Variants in STIM1 observed in about 807,000 individuals in gnomAD.
The protein encoded by STIM1 is stromal interaction molecule 1.
STIM1 carries 25 observed loss-of-function variants against 74.7 expected under a neutral mutation model. The observed-to-expected ratio is 0.33, with a 90% CI of 0.24 to 0.47. The LOEUF is 0.47. Among genes scored for constraint, STIM1 ranks in the 20% least tolerant of loss-of-function variants. The probability of loss-of-function intolerance (pLI) is 1.00; values close to 1 mark genes in which losing one functional copy is unlikely to be tolerated. For synonymous variants in STIM1, 328 were observed against 348.8 expected (o/e 0.94, Z 0.66); for missense variants, 728 against 920.8 (o/e 0.79, Z 2.71).
At chr11:3,995,094 T>A (rs1247611391) in intron 2 of STIM1, among the ~76,000 whole-genome samples, 1 of 152,164 alleles carries the variant, frequency 6.6e-6, no homozygotes, top group East Asian at 1.9e-4. Flanking sequence ...ATTTTTTTTT[T>A]TTTAATCTTT....
intron 3 of STIM1, among the ~76,000 whole-genome samples, chr11:4,048,251 T>C (rs1490270572): frequency 6.6e-6 from 1 of 152,242 alleles, no homozygotes; most frequent in Non-Finnish European, 1.5e-5. Flanking sequence ...ACTTGAAGAA[T>C]GTACAAATTC....
chr11:3,910,707 C>T lies in STIM1; in HGVS notation c.139+54298C>T, dbSNP rs149304413. Reference sequence around the variant, plus strand: ...AGATTAAAACTAAAAACAGGCCGGGCGAGGTGGCTCATGCCTGTAATGCCA... The same window carrying T: ...AGATTAAAACTAAAAACAGGCCGGGTGAGGTGGCTCATGCCTGTAATGCCA... On this transcript the variant is annotated intron_variant, in intron 1 of 12. Coordinates refer to ENST00000526596, the MANE Select transcript of STIM1 (RefSeq NM_001382567.1). Among the ~76,000 whole-genome samples the T allele has an allele frequency of 3.3e-5, 5 of 151,752 alleles. No homozygotes were observed. In the East Asian group the frequency reaches 7.7e-4, roughly 23 times the overall value.
intron 5 of STIM1, among the ~76,000 whole-genome samples, chr11:4,063,656 G>A (rs180976918): frequency 4.6e-5 from 7 of 152,252 alleles, no homozygotes; most frequent in Admixed American, 6.5e-5. Context: ...CAGTGTATCC[G>A]AGGTATGCCT....
intron 1 of STIM1, among the ~76,000 whole-genome samples, chr11:3,941,665 TATATATATAGAG>T (rs1471351294): frequency 3.5e-4 from 20 of 56,914 alleles, no homozygotes; most frequent in Non-Finnish European, 5.0e-4. Flanking sequence ...TATATATATA[TATATATATAGAG>T]AGAGAGAGAG....
chr11:4,020,829 C>A (rs1487467990), intron 2 of STIM1, among the ~76,000 whole-genome samples: 1 of 151,962 alleles, frequency 6.6e-6, no homozygotes, highest in African/African-American at 2.4e-5. Flanking sequence ...TCTCAAAATC[C>A]TGATCTCAAG....
chr11:3,965,991 G>T (rs773991953), intron 1 of STIM1, among the ~76,000 whole-genome samples: 4 of 151,958 alleles, frequency 2.6e-5, no homozygotes, highest in Non-Finnish European at 5.9e-5. Flanking sequence ...TGGGCAACAG[G>T]GTGAGACTCT....
In STIM1 at chr11:3,890,637, G is replaced by A. The variant is rs1380796016; in HGVS notation, c.139+34228G>A. On this transcript the variant is annotated intron_variant, in intron 1 of 12. Transcript: ENST00000526596. Reference sequence around the variant, plus strand: ...GCAGGAGAATCGCTTGAACCTGGGAGGTGGAGGTTGCAGTGAGCCGAGATC... The same window carrying A: ...GCAGGAGAATCGCTTGAACCTGGGAAGTGGAGGTTGCAGTGAGCCGAGATC... 2.6e-5 allele frequency among the ~76,000 whole-genome samples: 4 copies of A among 152,294 alleles called. No individual in the cohort carries two copies. The East Asian group carries it at 7.7e-4, about 29-fold the overall frequency.
chr11:4,052,608 C>T (rs1368292131), intron 3 of STIM1, among the ~76,000 whole-genome samples: 1 of 152,170 alleles, frequency 6.6e-6, no homozygotes, highest in Non-Finnish European at 1.5e-5. Flanking sequence ...TAAAAACTTA[C>T]ATGTTAGACC....
chr11:3,965,096 C>T (rs1334916407), intron 1 of STIM1, among the ~76,000 whole-genome samples: 1 of 152,198 alleles, frequency 6.6e-6, no homozygotes, highest in African/African-American at 2.4e-5. Flanking sequence ...GAACAGGGTT[C>T]AACAAACTAT....
chr11:4,064,080 C>T (rs1296790696), intron 5 of STIM1, among the ~76,000 whole-genome samples: 1 of 152,176 alleles, frequency 6.6e-6, no homozygotes, highest in East Asian at 1.9e-4. Flanking sequence ...TACTGGTTCT[C>T]TCATTCAAGG....
At chr11:4,034,333 T>C (rs930097148) in intron 3 of STIM1, among the ~76,000 whole-genome samples, 12 of 152,142 alleles carry the variant, frequency 7.9e-5, no homozygotes, top group Non-Finnish European at 1.3e-4. Context: ...TGAGAGCCTT[T>C]ATCAGGCATA....
intron 1 of STIM1, among the ~76,000 whole-genome samples, chr11:3,932,666 G>GAAAAAAA (rs57059104): frequency 2.3e-5 from 2 of 86,966 alleles, no homozygotes; most frequent in African/African-American, 4.4e-5. Context: ...TGTCTCAAAG[G>GAAAAAAA]AAAAAAAAAA....
rs1464170461 is a variant in STIM1, at chr11:4,082,919, G to C, written c.1175G>C (p.Gly392Ala). ...AAAAAGAAGAGAAACACACTCTTTGGCACCTTCCACGTGGCCCACAGCTCT... is the reference window on the plus strand; with the variant it reads ...AAAAAGAAGAGAAACACACTCTTTGCCACCTTCCACGTGGCCCACAGCTCT... The part of the protein sequence containing the change: ...KIKKKRNTLF[G>A]TFHVAHSSSL... The change falls in exon 9 of 13, where the codon GGC (glycine) becomes GCC (alanine). Residue 392 changes from glycine to alanine, a missense_variant. This residue lies in a region of STIM1 where 131 missense variants were observed against 235.9 expected (regional missense o/e 0.56). Coordinates refer to ENST00000526596, the MANE Select transcript of STIM1 (RefSeq NM_001382567.1). 4.3e-6 allele frequency: 7 copies of C among 1,613,944 alleles called. No homozygotes were observed. The highest frequency in any genetic ancestry group is 5.9e-6 in the Non-Finnish European group (7 of 1,180,016).
At chr11:3,987,804 GACACACAC>G (rs55772228) in intron 2 of STIM1, among the ~76,000 whole-genome samples, 6,916 of 145,356 alleles carry the variant, frequency 0.048, 252 homozygotes, top group East Asian at 0.18. Flanking sequence ...TGTCCTTAAG[GACACACAC>G]ACACACACAC....
chr11:3,933,575 C>G (rs1045812851), intron 1 of STIM1, among the ~76,000 whole-genome samples: 4 of 152,130 alleles, frequency 2.6e-5, no homozygotes. Flanking sequence ...GCCTCTTTGG[C>G]CTTGTCTACC....
chr11:3,976,560 G>T (rs927382843), intron 2 of STIM1, among the ~76,000 whole-genome samples: 1 of 152,172 alleles, frequency 6.6e-6, no homozygotes, highest in African/African-American at 2.4e-5. Flanking sequence ...TTTTTTTAAA[G>T]TTCCCAGCAT....
rs779449915 is a variant in STIM1, at chr11:4,086,430, C to T, written c.1568-47C>T. 2.5e-6 allele frequency: 4 copies of T among 1,607,084 alleles called. No individual in the cohort carries two copies. In the Admixed American group the frequency reaches 5.0e-5, roughly 20 times the overall value. The stretch of plus-strand genomic sequence containing the variant: ...CATGGGCACCTCCTTACCTGCCAGC[C>T]CAAAGTGGGCTGGCCCCTCCTGACA... On this transcript the variant is annotated intron_variant, in intron 11 of 12. Coordinates refer to ENST00000526596, the MANE Select transcript of STIM1 (RefSeq NM_001382567.1).
chr11:4,003,807 T>C (rs1158357699), intron 2 of STIM1, among the ~76,000 whole-genome samples: 9 of 152,340 alleles, frequency 5.9e-5, no homozygotes, highest in East Asian at 5.8e-4. Flanking sequence ...TGTCCCTGTT[T>C]GCAGATGACA....
chr11:3,855,633 C>G (rs1164529041), upstream of STIM1: 9 of 137,248 alleles, frequency 6.6e-5, 1 homozygote, highest in Non-Finnish European at 9.5e-5. Flanking sequence ...CCGCCCGCCC[C>G]GGGCCCGCCC....
Sources: gnomAD v4.1 joint callset for allele counts (sites outside exome capture counted in the v4.1 genomes callset) on GRCh38, gnomAD v4.1.1 for gene constraint, gnomAD v4.1.1 regional missense constraint, MANE v1.5 for transcripts, NCBI Gene and HGNC (gene_info 2026-07-23, HGNC 2026-07-21) for gene names.